PCDH7: variants seen among roughly 807,000 people sequenced by gnomAD.
PCDH7 encodes the protein protocadherin-7.
A neutral mutation model predicts 58.9 loss-of-function variants in PCDH7; 17 were observed. That is an observed-to-expected ratio of 0.29 (90% CI 0.20 to 0.43). The LOEUF is 0.43. Among genes scored for constraint, PCDH7 ranks in the 20% least tolerant of loss-of-function variants. The probability of loss-of-function intolerance (pLI) is 1.00; values close to 1 mark genes in which losing one functional copy is unlikely to be tolerated. For synonymous variants in PCDH7, 664 were observed against 616.4 expected (o/e 1.08, Z -1.14); for missense variants, 1,274 against 1,441.0 (o/e 0.88, Z 1.88).
chr4:30,863,697 G>A (rs1467811612), intron 1 of PCDH7, among the ~76,000 whole-genome samples: 3 of 151,908 alleles, frequency 2.0e-5, no homozygotes, highest in African/African-American at 7.3e-5. Flanking sequence ...TATACTCATT[G>A]GTGAGGTTGG....
intron 1 of PCDH7, among the ~76,000 whole-genome samples, chr4:30,766,890 T>A (rs1170506019): frequency 6.6e-6 from 1 of 152,168 alleles, no homozygotes; most frequent in East Asian, 1.9e-4. Flanking sequence ...TTTTTTCAAG[T>A]TGCAAACAGA....
At chr4:31,058,785 G>A (rs1191826843) in intron 3 of PCDH7, among the ~76,000 whole-genome samples, 1 of 151,946 alleles carries the variant, frequency 6.6e-6, no homozygotes. Flanking sequence ...TTTAGATAAT[G>A]ATGGAGTTTT....
At chr4:31,068,686 G>A (rs1758294573) in intron 3 of PCDH7, among the ~76,000 whole-genome samples, 1 of 152,002 alleles carries the variant, frequency 6.6e-6, no homozygotes, top group Admixed American at 6.6e-5. Flanking sequence ...CAAGGAAGCA[G>A]GACGTCTCCC....
At chr4:30,810,448 T>C (rs1726827018) in intron 1 of PCDH7, among the ~76,000 whole-genome samples, 1 of 151,914 alleles carries the variant, frequency 6.6e-6, no homozygotes, top group South Asian at 2.1e-4. Context: ...TTTTTGCTTT[T>C]CTACTCATTG....
At chr4:31,111,822 GCT>G (rs1477545316) in intron 3 of PCDH7, among the ~76,000 whole-genome samples, 3 of 152,112 alleles carry the variant, frequency 2.0e-5, no homozygotes. Flanking sequence ...TTTCTCTTAT[GCT>G]CTGTTAGTAT....
chr4:30,757,011 G>T (rs933463330), intron 1 of PCDH7, among the ~76,000 whole-genome samples: 1 of 152,298 alleles, frequency 6.6e-6, no homozygotes, highest in Admixed American at 6.5e-5. Flanking sequence ...ACTATATCCA[G>T]GGGGTACTTC....
rs1468235248 is a variant in PCDH7 at position 30,723,527 on chromosome 4, G to C, written c.2105G>C (p.Arg702Pro). ...ATTTACTCCACAATGTCTTTTGACC[G>C]GGAACATCAGACCACATACACTTTC... Residue 702 changes from arginine to proline, a missense_variant, in exon 1 of 2, where the codon CGG becomes CCG. Arg to Pro is a moderately radical substitution (Grantham distance 103). Transcript: ENST00000361762. This position sits in a 1 kb window ranked among gnomAD's most constrained non-coding sequence, Gnocchi z 4.6. 1 of 1,613,960 alleles carries C rather than the reference G, an allele frequency of 6.2e-7. No individual in the cohort carries two copies. Among genetic ancestry groups the C allele is most frequent in the African/African-American group, 1.3e-5 (1 of 74,908 alleles).
intron 1 of PCDH7, among the ~76,000 whole-genome samples, chr4:30,863,746 C>T (rs1176162654): frequency 6.6e-6 from 1 of 152,054 alleles, no homozygotes; most frequent in Admixed American, 6.6e-5. Context: ...GTTTGGCACA[C>T]ACAAAAATTT....
intron 2 of PCDH7, among the ~76,000 whole-genome samples, chr4:30,946,177 A>C (rs760161577): frequency 6.6e-6 from 1 of 152,174 alleles, no homozygotes; most frequent in Non-Finnish European, 1.5e-5. Context: ...TGATAGGATA[A>C]GGAAAACAAT....
intron 1 of PCDH7, among the ~76,000 whole-genome samples, chr4:30,726,956 A>G (rs1321388230): frequency 6.6e-6 from 1 of 151,836 alleles, no homozygotes; most frequent in Non-Finnish European, 1.5e-5. Context: ...TCCTATTTTT[A>G]TTTTTAAAAT....
chr4:30,767,421 G>T (rs1177680674), intron 1 of PCDH7, among the ~76,000 whole-genome samples: 1 of 152,110 alleles, frequency 6.6e-6, no homozygotes, highest in East Asian at 1.9e-4. Flanking sequence ...TGATGCTAAC[G>T]ATTCATCAAG....
intron 1 of PCDH7, among the ~76,000 whole-genome samples, chr4:30,845,436 C>T (rs944102736): frequency 6.6e-6 from 1 of 152,004 alleles, no homozygotes; most frequent in African/African-American, 2.4e-5. Flanking sequence ...CTAGTAAAAC[C>T]AACCCAACCT....
intron 3 of PCDH7, among the ~76,000 whole-genome samples, chr4:31,020,309 A>T (rs1000897515): frequency 1.3e-5 from 2 of 152,144 alleles, no homozygotes; most frequent in African/African-American, 4.8e-5. Context: ...TCCCTTCATT[A>T]TTTGGATTTT....
intron 1 of PCDH7, among the ~76,000 whole-genome samples, chr4:30,916,134 G>T (rs1034150960): frequency 1.3e-5 from 2 of 152,122 alleles, no homozygotes; most frequent in African/African-American, 2.4e-5. Flanking sequence ...AATAAATGGA[G>T]GTCTAGTGAA....
intron 1 of PCDH7, among the ~76,000 whole-genome samples, chr4:30,776,858 GGTGTGT>G (rs57657077): frequency 6.8e-6 from 1 of 147,718 alleles, no homozygotes; most frequent in African/African-American, 2.5e-5. Context: ...TTTGATATGT[GGTGTGT>G]GTGTGTGTGT....
intron 1 of PCDH7, among the ~76,000 whole-genome samples, chr4:30,855,134 A>G (rs959942972): frequency 2.6e-5 from 4 of 152,180 alleles, no homozygotes; most frequent in African/African-American, 9.6e-5. Context: ...GGCTTCTGAC[A>G]AGGACAGGAA....
At chr4:30,764,707 GTGTTTGTTTGTT>G (rs35644257) in intron 1 of PCDH7, among the ~76,000 whole-genome samples, 8 of 150,634 alleles carry the variant, frequency 5.3e-5, no homozygotes, top group African/African-American at 9.8e-5. Flanking sequence ...TATATGTTTG[GTGTTTGTTTGTT>G]TGTTTGTTTG....
intron 1 of PCDH7, among the ~76,000 whole-genome samples, chr4:30,832,941 A>C (rs1471663768): frequency 6.6e-6 from 1 of 152,138 alleles, no homozygotes; most frequent in Non-Finnish European, 1.5e-5. Flanking sequence ...GGCTAATTGC[A>C]CTTTCTACTA....
At chr4:30,840,408 A>C (rs1202197650) in intron 1 of PCDH7, among the ~76,000 whole-genome samples, 2 of 152,022 alleles carry the variant, frequency 1.3e-5, no homozygotes, top group African/African-American at 4.8e-5. Context: ...CGCTTCCTTT[A>C]TGTGGTTTGT....
Sources: gnomAD v4.1 joint callset for allele counts (sites outside exome capture counted in the v4.1 genomes callset) on GRCh38, gnomAD v4.1.1 for gene constraint, Gnocchi (gnomAD v3.1) non-coding constraint, MANE v1.5 for transcripts, NCBI Gene and HGNC (gene_info 2026-07-23, HGNC 2026-07-21) for gene names.